The following ADAM28 variants were observed in gnomAD, a reference collection of about 807,000 sequenced individuals.
ADAM28 encodes ADAM metallopeptidase domain 28.
Under a neutral mutation model 101.2 loss-of-function variants are expected in ADAM28, and 105 were observed. The observed-to-expected ratio is 1.04, with a 90% CI of 0.89 to 1.22. ADAM28 has a LOEUF of 1.22. ADAM28 is among the 50% of genes most tolerant of loss of function. The pLI is 0.00. For missense variants in ADAM28, 1,028 were observed against 945.4 expected (o/e 1.09, Z -1.15); for synonymous variants, 322 against 310.6 (o/e 1.04, Z -0.39).
At chr8:24,341,792 GTTT>G (rs1563319614) in intron 16 of ADAM28, 35 bp downstream of exon 16, 1 of 1,612,264 alleles carries the variant, frequency 6.2e-7, no homozygotes. Flanking sequence ...TCAAAATAGT[GTTT>G]TTTACTTTGG....
intron 15 of ADAM28, among the ~76,000 whole-genome samples, chr8:24,340,136 T>G (rs879466836): frequency 6.6e-6 from 1 of 152,186 alleles, no homozygotes; most frequent in Admixed American, 6.5e-5. Context: ...GAACTTGGGA[T>G]TTTTCTATGG....
At position 24,343,571 on chromosome 8, in the gene ADAM28, C is replaced by T. The variant is rs2129330238; in HGVS notation, c.1977C>T (p.Ser659=). ...EGWIPPDCDD[S]SVVFHFSIVV... is the part of the protein sequence containing the mutation. ...GGATCCCTCCCGACTGCGATGACTC[C>T]TCAGTGGTCTTCCGTAGGTAACATT... The change falls in exon 18 of 23, where the codon TCC becomes TCT. Residue 659 remains serine, a synonymous_variant. Transcript: ENST00000265769. 2.5e-6 allele frequency: 4 copies of T among 1,613,726 alleles called. No individual in the cohort carries two copies. Among genetic ancestry groups the T allele is most frequent in the Middle Eastern group, 1.7e-4 (1 of 6,054 alleles).
intron 17 of ADAM28, 26 bp from the exon 18 acceptor site, chr8:24,343,480 C>T: frequency 6.2e-7 from 1 of 1,610,074 alleles, no homozygotes; most frequent in Non-Finnish European, 8.5e-7. Context: ...CTAGCGGGGA[C>T]AGTAACAGGA....
Position 24,343,457 on chromosome 8 carries a change from G to A in ADAM28, c.1912-49G>A, listed in dbSNP as rs780538692. On this transcript the variant is annotated intron_variant, in intron 17 of 22. Transcript: ENST00000265769. ...TTATTATGGATGAGTAGGGCCTTGA[G>A]TTTCTGGTCAGCCTAGCGGGGACAG... 5.0e-6 allele frequency: 8 copies of A among 1,585,122 alleles called. No individual in the cohort carries two copies. The Admixed American group carries it at 1.3e-4, about 27-fold the overall frequency.
At chr8:24,322,398 A>C (rs77174075) in intron 8 of ADAM28, among the ~76,000 whole-genome samples, 2,024 of 152,122 alleles carry the variant, frequency 0.013, 21 homozygotes, top group Non-Finnish European at 0.018. Flanking sequence ...CGAATGTGGA[A>C]GCAAGGACAG....
chr8:24,310,321 A>G (rs1052985162), intron 4 of ADAM28, 80 bp downstream of exon 4: 18 of 1,317,236 alleles, frequency 1.4e-5, no homozygotes, highest in Non-Finnish European at 1.9e-5. Context: ...GGCAAATAAT[A>G]GAAGTGAAAC....
chr8:24,332,793 TA>T (rs1408711145), intron 13 of ADAM28, 44 bp downstream of exon 13: 1 of 1,095,340 alleles, frequency 9.1e-7, no homozygotes, highest in Non-Finnish European at 1.3e-6. Flanking sequence ...ATTACATTTT[TA>T]TACATTAACA....
chr8:24,338,910 T>C (rs1381261099), intron 14 of ADAM28, among the ~76,000 whole-genome samples: 1 of 152,188 alleles, frequency 6.6e-6, no homozygotes, highest in Non-Finnish European at 1.5e-5. Context: ...GGCTCACCTA[T>C]ATTAAGTAAT....
In ADAM28 at chr8:24,312,205, T is replaced by C. The variant is rs568228489; in HGVS notation, c.383+768T>C. Among the ~76,000 whole-genome samples, 52 of 152,298 alleles carry C rather than the reference T, an allele frequency of 3.4e-4. 2 individuals are homozygous for C. In the South Asian group the frequency reaches 9.7e-3, roughly 29 times the overall value. On this transcript the variant is annotated intron_variant, in intron 5 of 22. Coordinates refer to ENST00000265769, the MANE Select transcript of ADAM28 (RefSeq NM_014265.6). Reference sequence around the variant, plus strand: ...CAGACTTGATTATCTAATTTTCTTTTTCATATTTTCAGTTGGATATCTTAA... The same window carrying C: ...CAGACTTGATTATCTAATTTTCTTTCTCATATTTTCAGTTGGATATCTTAA...
intron 2 of ADAM28, among the ~76,000 whole-genome samples, chr8:24,302,817 C>T (rs10091238): frequency 0.059 from 8,899 of 151,950 alleles, 393 homozygotes; most frequent in African/African-American, 0.12. Flanking sequence ...ATGTGCACAA[C>T]GTGCAGGTTT....
chr8:24,300,374 TGAAA>T (rs1244393483), intron 2 of ADAM28, among the ~76,000 whole-genome samples: 1 of 152,222 alleles, frequency 6.6e-6, no homozygotes, highest in African/African-American at 2.4e-5. Context: ...TTCTGAGAAG[TGAAA>T]GAAACTGTCC....
chr8:24,342,439 C>T (rs1002976570), intron 16 of ADAM28, among the ~76,000 whole-genome samples: 4 of 152,080 alleles, frequency 2.6e-5, no homozygotes, highest in Non-Finnish European at 4.4e-5. Flanking sequence ...ATTGCTTATA[C>T]GTGGTCTCTG....
At position 24,320,312 on chromosome 8, in the gene ADAM28, T is replaced by G; in HGVS notation, c.648+5T>G. The G allele has an allele frequency of 4.4e-6, 7 of 1,577,110 alleles. No individual in the cohort carries two copies. The highest frequency in any genetic ancestry group is 6.1e-6 in the Non-Finnish European group (7 of 1,150,748). On this transcript the variant is annotated splice_donor_5th_base_variant and intron_variant, in intron 7 of 22. Coordinates refer to ENST00000265769, the MANE Select transcript of ADAM28 (RefSeq NM_014265.6). ...TTGGTCCTGGATAATGGTGAGGTAA[T>G]TATATGAGATAAATGTGCTGTCTTC...
chr8:24,332,966 GA>G (rs950626342), intron 13 of ADAM28, among the ~76,000 whole-genome samples: 2 of 151,828 alleles, frequency 1.3e-5, no homozygotes, highest in Non-Finnish European at 2.9e-5. Flanking sequence ...TTGTTTTTGA[GA>G]AAAAAATGCA....
At chr8:24,342,177 T>C (rs1814861654) in intron 16 of ADAM28, among the ~76,000 whole-genome samples, 1 of 152,150 alleles carries the variant, frequency 6.6e-6, no homozygotes. Flanking sequence ...TGAACTTAAA[T>C]ACGAGTACTG....
chr8:24,319,544 T>C (rs1323236952), intron 6 of ADAM28, among the ~76,000 whole-genome samples: 2 of 152,024 alleles, frequency 1.3e-5, no homozygotes, highest in African/African-American at 4.8e-5. Flanking sequence ...AGTTTCTTCT[T>C]TGTAATCGAA....
chr8:24,350,095 G>T (rs1815899915), intron 19 of ADAM28, 123 bp downstream of exon 19: 13 of 780,458 alleles, frequency 1.7e-5, no homozygotes, highest in Non-Finnish European at 2.3e-5. Context: ...AGAAATACAT[G>T]CAGATGGTCT....
In ADAM28 at chr8:24,349,738, A is replaced by G. The variant is rs546519747; in HGVS notation, c.1991-126A>G. ...AAAATACTTTTTCATTTTACTGGCTATGGGAATTTATGTTCATTGGAGAAA... is the reference window on the plus strand; with the variant it reads ...AAAATACTTTTTCATTTTACTGGCTGTGGGAATTTATGTTCATTGGAGAAA... On this transcript the variant is annotated intron_variant, in intron 18 of 22. Transcript: ENST00000265769. The G allele has an allele frequency of 5.7e-5, 36 of 636,504 alleles. 1 individual carries two copies. In the East Asian group the frequency reaches 7.8e-4, roughly 14 times the overall value. The allele number at this position is 636,504 out of a possible 1,614,324, so 39.4% of individuals were successfully genotyped here.
intron 10 of ADAM28, among the ~76,000 whole-genome samples, chr8:24,328,944 A>C (rs1191286688): frequency 1.3e-5 from 2 of 151,892 alleles, no homozygotes; most frequent in Non-Finnish European, 2.9e-5. Context: ...TGGACCTCAA[A>C]GGGTAGGTAG....
Sources: allele counts gnomAD v4.1 joint callset (sites outside exome capture counted in the v4.1 genomes callset), GRCh38; gene constraint gnomAD v4.1.1; transcripts MANE v1.5; gene names NCBI Gene and HGNC (gene_info 2026-07-23, HGNC 2026-07-21).